The following GPN1 variants were observed in gnomAD, a reference collection of about 807,000 sequenced individuals.
GPN1 encodes the protein ATP(GTP)-binding protein.
A neutral mutation model predicts 55.9 loss-of-function variants in GPN1; 44 were observed. The observed-to-expected ratio is 0.79, with a 90% CI of 0.62 to 1.01. The LOEUF is 1.01. Among genes scored for constraint, GPN1 ranks in the 50% least tolerant of loss-of-function variants. GPN1 has a pLI of 0.00. For missense variants in GPN1, 466 were observed against 462.8 expected, an observed-to-expected ratio of 1.01 and a Z score of -0.06; for synonymous variants, 179 against 162.5, an observed-to-expected ratio of 1.10 and a Z score of -0.77.
chr2:27,630,849 C>T (rs186479834), intron 2 of GPN1, among the ~76,000 whole-genome samples, 178 bp from the exon 3 acceptor site: 76 of 152,222 alleles, frequency 5.0e-4, no homozygotes, highest in South Asian at 1.9e-3. Context: ...AGCTCCTAGC[C>T]CTAACATTCT....
At chr2:27,635,038 C>A (rs894307602) in intron 6 of GPN1, 102 bp from the exon 7 acceptor site, 2 of 953,734 alleles carry the variant, frequency 2.1e-6, no homozygotes, top group East Asian at 2.4e-5. Context: ...GCTCTGCACA[C>A]CCTGCCTAAA....
At chr2:27,636,738 G>T (rs1364407259) in intron 7 of GPN1, among the ~76,000 whole-genome samples, 1 of 152,172 alleles carries the variant, frequency 6.6e-6, no homozygotes, top group Non-Finnish European at 1.5e-5. Flanking sequence ...GCCTCCCAAA[G>T]TGCTGGGAAT....
At chr2:27,640,901 G>A (rs555351661) in intron 10 of GPN1, among the ~76,000 whole-genome samples, 18 of 152,198 alleles carry the variant, frequency 1.2e-4, no homozygotes, top group African/African-American at 4.1e-4. Context: ...GCACATAATT[G>A]TATGTTGCAC....
rs1295361762 is a variant in GPN1 at position 27,630,842 on chromosome 2, T to C, written c.206-185T>C. Among the ~76,000 whole-genome samples the C allele has an allele frequency of 2.6e-5, 4 of 152,206 alleles. No homozygotes were observed. The South Asian group carries it at 6.2e-4, about 24-fold the overall frequency. On this transcript the variant is annotated intron_variant, in intron 2 of 13. Transcript: ENST00000610189. ...AAACTCTTTGCCACAACTTTAGAGC[T>C]CCTAGCCCTAACATTCTTCATGATT...
rs1558491043 is a variant in GPN1, at chr2:27,643,175, A to ATTTTTTTTATAATTAAAAAAAATTT, written c.931+665_931+689dup. Among the ~76,000 whole-genome samples, 1 of 149,724 alleles carries ATTTTTTTTATAATTAAAAAAAATTT rather than the reference A, an allele frequency of 6.7e-6. No individual in the cohort carries two copies. Among genetic ancestry groups the ATTTTTTTTATAATTAAAAAAAATTT allele is most frequent in the East Asian group, 1.9e-4 (1 of 5,134 alleles). On this transcript the variant is annotated intron_variant, in intron 12 of 13. Transcript: ENST00000610189. This position sits in a 1 kb window ranked among gnomAD's most constrained non-coding sequence, Gnocchi z 4.0. ...TTTCTAACACTTTTAACCCTCCTCAATTTTTTTTATAATTAAAAAAAATTT... is the reference window on the plus strand; with the variant it reads ...TTTCTAACACTTTTAACCCTCCTCAATTTTTTTTATAATTAAAAAAAATTTTTTTTTTTATAATTAAAAAAAATTT...
intron 10 of GPN1, 109 bp downstream of exon 10, chr2:27,640,234 A>G: frequency 1.3e-6 from 1 of 796,216 alleles, no homozygotes; most frequent in East Asian, 2.4e-5. Flanking sequence ...GATGTATTAT[A>G]TTTGGTTTGC....
rs10201652 is a variant in GPN1 at position 27,651,465 on chromosome 2, A to G, written c.*1265A>G. ...TCGTCTTGACCATCTGGTGCCTGTT[A>G]TGCAGTTTAACATTCTGCAGCAATA... On this transcript the variant is annotated 3_prime_UTR_variant, in exon 14 of 14. Transcript: ENST00000610189. The G allele has an allele frequency of 6.6e-6, 1 of 152,134 alleles. No homozygotes were observed. The highest frequency in any genetic ancestry group is 1.5e-5 in the Non-Finnish European group (1 of 68,008). 9.4% of individuals were successfully genotyped at this position (152,134 alleles called of 1,614,324 possible). A position where few individuals can be genotyped will look rare whatever the true frequency, so the allele number is the denominator to read the frequency against.
chr2:27,638,137 C>A (rs1050047834), intron 7 of GPN1, 73 bp from the exon 8 acceptor site: 4 of 810,506 alleles, frequency 4.9e-6, no homozygotes, highest in South Asian at 1.4e-5. Flanking sequence ...CTTACTTAGT[C>A]CCGACATGCT....
chr2:27,630,556 G>A (rs1338671249), intron 2 of GPN1, among the ~76,000 whole-genome samples: 1 of 151,812 alleles, frequency 6.6e-6, no homozygotes, highest in Non-Finnish European at 1.5e-5. Flanking sequence ...GGAGAGACAA[G>A]GCCTCTCTAT....
At chr2:27,635,826 GAGA>G (rs1046095088) in intron 7 of GPN1, among the ~76,000 whole-genome samples, 9 of 152,168 alleles carry the variant, frequency 5.9e-5, no homozygotes, top group African/African-American at 1.9e-4. Context: ...GAGAGAGAGA[GAGA>G]AGAATAGAGT....
At chr2:27,647,983 T>C in intron 13 of GPN1, 40 bp downstream of exon 13, 1 of 1,093,686 alleles carries the variant, frequency 9.1e-7, no homozygotes, top group Non-Finnish European at 1.4e-6. Context: ...ACAGAGCATC[T>C]GCTTATCCTC....
intron 2 of GPN1, among the ~76,000 whole-genome samples, chr2:27,630,399 T>G (rs1673494908): frequency 6.9e-6 from 1 of 144,740 alleles, no homozygotes; most frequent in Non-Finnish European, 1.5e-5. Context: ...TTTTTTTTTT[T>G]TTTTTTTTTT....
intron 4 of GPN1, among the ~76,000 whole-genome samples, chr2:27,632,122 C>T (rs2148064314): frequency 6.6e-6 from 1 of 152,248 alleles, no homozygotes; most frequent in South Asian, 2.1e-4. Context: ...TCCAAAAGAC[C>T]TGGGTTATTT....
intron 12 of GPN1, among the ~76,000 whole-genome samples, chr2:27,642,950 T>TACACACACAC (rs1375069534): frequency 3.7e-4 from 14 of 37,586 alleles, no homozygotes; most frequent in African/African-American, 7.4e-4. Context: ...GTTTTATATA[T>TACACACACAC]ATATATATAC....
intron 5 of GPN1, among the ~76,000 whole-genome samples, chr2:27,634,508 C>T (rs1269944183): frequency 1.3e-5 from 2 of 152,232 alleles, no homozygotes; most frequent in African/African-American, 4.8e-5. Flanking sequence ...GTTCCACACT[C>T]ACCCCCGCCC....
At chr2:27,632,762 G>A in intron 5 of GPN1, 92 bp downstream of exon 5, 1 of 860,848 alleles carries the variant, frequency 1.2e-6, no homozygotes, top group Non-Finnish European at 1.9e-6. Flanking sequence ...GCCTCTGAAA[G>A]AATATAGATT....
rs956176082 is a variant in GPN1, at chr2:27,651,441, C to T, written c.*1241C>T. 1.5e-4 allele frequency: 23 copies of T among 152,372 alleles called. No homozygotes were observed. Among genetic ancestry groups the T allele is most frequent in the Admixed American group, 8.5e-4 (13 of 15,284 alleles). The allele number at this position is 152,372 out of a possible 1,614,324, so 9.4% of individuals were successfully genotyped here. A position where few individuals can be genotyped will look rare whatever the true frequency, so the allele number is the denominator to read the frequency against. On this transcript the variant is annotated 3_prime_UTR_variant, in exon 14 of 14. Transcript: ENST00000610189. ...ATCATTTGCCTTCTCATATTTCCCT[C>T]GTCTTGACCATCTGGTGCCTGTTAT...
At position 27,647,889 on chromosome 2, in the gene GPN1, T is replaced by A; in HGVS notation, c.985T>A (p.Leu329Met). 1 of 1,613,868 alleles carries A rather than the reference T, an allele frequency of 6.2e-7. No homozygotes were observed. ...PSDLILTRGT[L>M]DEEDEEADSD... ...TGATTTGATCCTGACTCGAGGAACC[T>A]TGGATGAAGAGGATGAGGAAGCAGA... The change falls in exon 13 of 14, where the codon TTG becomes ATG. Residue 329 changes from leucine (L) to methionine (M), a missense_variant. By Grantham distance (15) the Leu-to-Met change is conservative. Coordinates refer to ENST00000610189, the MANE Select transcript of GPN1 (RefSeq NM_007266.4).
At chr2:27,645,056 C>G (rs765367694) in intron 12 of GPN1, among the ~76,000 whole-genome samples, 2 of 152,186 alleles carry the variant, frequency 1.3e-5, no homozygotes, top group Non-Finnish European at 2.9e-5. Context: ...CAGCCTCGAA[C>G]TACTGGGCTC....
Sources: allele counts gnomAD v4.1 joint callset (sites outside exome capture counted in the v4.1 genomes callset), GRCh38; gene constraint gnomAD v4.1.1; non-coding constraint Gnocchi (gnomAD v3.1); transcripts MANE v1.5; gene names NCBI Gene and HGNC (gene_info 2026-07-23, HGNC 2026-07-21).